Variants in FAM120C observed in about 807,000 individuals in gnomAD.
FAM120C encodes the protein family with sequence similarity 120 member C.
FAM120C carries 14 observed loss-of-function variants against 71.2 expected under a neutral mutation model. The observed-to-expected ratio is 0.20, with a 90% CI of 0.13 to 0.31. The LOEUF (loss-of-function observed/expected upper bound fraction) is 0.31. Among genes scored for constraint, FAM120C ranks in the 10% least tolerant of loss-of-function variants. FAM120C has a pLI of 1.00. For synonymous variants in FAM120C, 354 were observed against 353.2 expected, an observed-to-expected ratio of 1.00 and a Z score of -0.03; for missense variants, 500 against 879.0, an observed-to-expected ratio of 0.57 and a Z score of 5.45.
chrX:54,169,651 C>T lies in FAM120C; in HGVS notation c.700-10035G>A, dbSNP rs908168558. Among the ~76,000 whole-genome samples, 5 of 111,883 alleles carry T rather than the reference C, an allele frequency of 4.5e-5. No individual in the cohort carries two copies. The Admixed American group carries it at 4.8e-4, about 11-fold the overall frequency. On this transcript the variant is annotated intron_variant, in intron 1 of 15. Transcript: ENST00000375180. ...GGCTGAGTTCTGTGGTCTATCTTCA[C>T]TACCTGTTCTCACCAAGGCAAAAAG...
chrX:54,144,700 T>C (rs2067145460), intron 4 of FAM120C, among the ~76,000 whole-genome samples: 1 of 112,358 alleles, frequency 8.9e-6, no homozygotes, highest in Admixed American at 9.5e-5. Flanking sequence ...TCCATGCTCA[T>C]GGATAGGAAG....
chrX:54,107,231 G>A (rs2066911353), intron 10 of FAM120C, among the ~76,000 whole-genome samples: 1 of 109,152 alleles, frequency 9.2e-6, no homozygotes, highest in South Asian at 4.0e-4. Context: ...CAAATAGCTG[G>A]GACTAGAGGC....
intron 1 of FAM120C, among the ~76,000 whole-genome samples, chrX:54,179,230 G>A (rs1299841383): frequency 8.9e-6 from 1 of 112,200 alleles, no homozygotes; most frequent in African/African-American, 3.2e-5. Context: ...GAAGTCCGAA[G>A]TTGTCTAAAG....
chrX:54,160,564 T>C (rs1321138976), intron 1 of FAM120C, among the ~76,000 whole-genome samples: 2 of 111,549 alleles, frequency 1.8e-5, no homozygotes, highest in African/African-American at 6.5e-5. Flanking sequence ...TGTACATGCC[T>C]CTATTGCTGT....
At chrX:54,174,021 T>C in intron 1 of FAM120C, 2 of 490,256 alleles carry the variant, frequency 4.1e-6, no homozygotes, top group Non-Finnish European at 7.3e-6. Context: ...TTGGCAGCAA[T>C]TCAGTTCCTT....
In FAM120C at chrX:54,164,697, G is replaced by T. The variant is rs149079480; in HGVS notation, c.700-5081C>A. On this transcript the variant is annotated intron_variant, in intron 1 of 15. Coordinates refer to ENST00000375180, the MANE Select transcript of FAM120C (RefSeq NM_017848.6). ...GTTGCTTCCAACTCTTGGCTACTGT[G>T]AATAGTACTGCTATGAACATGGGTG... 5.5e-3 allele frequency among the ~76,000 whole-genome samples: 614 copies of T among 112,262 alleles called. 4 individuals are homozygous for T. The highest frequency in any genetic ancestry group is 0.019 in the African/African-American group (596 of 30,946).
chrX:54,140,035 C>T (rs2067116051), intron 4 of FAM120C, among the ~76,000 whole-genome samples: 1 of 110,710 alleles, frequency 9.0e-6, no homozygotes, highest in African/African-American at 3.3e-5. Context: ...GGCTCATACC[C>T]ATATTCCCAG....
At chrX:54,073,394 A>T (rs1192883744) in intron 15 of FAM120C, 107 bp from the exon 16 acceptor site, 2 of 781,094 alleles carry the variant, frequency 2.6e-6, no homozygotes. Flanking sequence ...TTCTTCAAAA[A>T]CACCAGAAGA....
chrX:54,133,210 G>A (rs2067077148), intron 8 of FAM120C, among the ~76,000 whole-genome samples: 1 of 111,773 alleles, frequency 8.9e-6, no homozygotes, highest in South Asian at 3.7e-4. Flanking sequence ...GTGGTGGCAG[G>A]TGCCTGTAGT....
rs1167673216 is a variant in FAM120C, at chrX:54,070,807, T to C, written c.*2226A>G. The C allele has an allele frequency of 1.6e-4, 18 of 111,895 alleles. No homozygotes were observed. Among genetic ancestry groups the C allele is most frequent in the African/African-American group, 5.8e-4 (18 of 30,823 alleles). 9.2% of individuals were successfully genotyped at this position (111,895 alleles called of 1,213,427 possible). The stretch of plus-strand genomic sequence containing the variant: ...TAGATGTACACTCTTGTCATTTTTC[T>C]TTGGTTTATGTAAGAAGTATCTGGG... On this transcript the variant is annotated 3_prime_UTR_variant, in exon 16 of 16. Transcript: ENST00000375180.
At chrX:54,098,793 G>T (rs1208138985) in intron 10 of FAM120C, among the ~76,000 whole-genome samples, 8 of 109,613 alleles carry the variant, frequency 7.3e-5, no homozygotes, top group Admixed American at 6.0e-4. Flanking sequence ...GCTAATTTTT[G>T]TATTTTTAGT....
At chrX:54,161,992 C>A (rs1355269612) in intron 1 of FAM120C, among the ~76,000 whole-genome samples, 1 of 112,334 alleles carries the variant, frequency 8.9e-6, no homozygotes, top group African/African-American at 3.2e-5. Context: ...CCAGTAGGTT[C>A]TCATGCACAC....
At chrX:54,163,040 A>C (rs1175510979) in intron 1 of FAM120C, among the ~76,000 whole-genome samples, 1 of 112,264 alleles carries the variant, frequency 8.9e-6, no homozygotes, top group Non-Finnish European at 1.9e-5. Flanking sequence ...GCAAGGATGC[A>C]GAGAAACTGG....
chrX:54,109,734 T>C (rs1557125372), intron 10 of FAM120C, among the ~76,000 whole-genome samples: 1 of 107,790 alleles, frequency 9.3e-6, no homozygotes, highest in African/African-American at 3.4e-5. Flanking sequence ...GGAGAATCGC[T>C]TGAACCCAGG....
intron 4 of FAM120C, among the ~76,000 whole-genome samples, chrX:54,144,925 G>C (rs782652995): frequency 3.2e-4 from 36 of 111,635 alleles, no homozygotes; most frequent in Admixed American, 1.2e-3. Flanking sequence ...ATACTACAAG[G>C]CTACAGTAAC....
At chrX:54,167,803 T>TA (rs782012640) in intron 1 of FAM120C, among the ~76,000 whole-genome samples, 1,944 of 97,330 alleles carry the variant, frequency 0.02, 29 homozygotes, top group Non-Finnish European at 0.03. Context: ...CGTCTCTATT[T>TA]AAAAAAAAAA....
chrX:54,135,067 G>A lies in FAM120C; in HGVS notation c.1380C>T (p.Phe460=), dbSNP rs782628684. ...GAAGAGATGAGTTGGGTCCCACTGG[G>A]AATGGTGGTGGATATTTCACTTTCT... is the stretch of plus-strand genomic sequence containing the variant. ...VPQKVKYPPP[F]PVGPNSSLLF... is the part of the protein sequence containing the mutation. Residue 460 remains phenylalanine (F), a synonymous_variant, in exon 7 of 16, where the codon TTC becomes TTT. Coordinates refer to ENST00000375180, the MANE Select transcript of FAM120C (RefSeq NM_017848.6). 3 of 1,206,580 alleles carry A rather than the reference G, an allele frequency of 2.5e-6. No homozygotes were observed. Among genetic ancestry groups the A allele is most frequent in the Non-Finnish European group, 3.4e-6 (3 of 892,451 alleles).
intron 12 of FAM120C, among the ~76,000 whole-genome samples, chrX:54,087,187 C>T (rs183092751): frequency 6.4e-5 from 7 of 109,941 alleles, no homozygotes; most frequent in African/African-American, 2.3e-4. Flanking sequence ...GTGGTGCATG[C>T]CTGTAGTCCC....
intron 1 of FAM120C, among the ~76,000 whole-genome samples, chrX:54,170,319 TAG>T (rs1307262367): frequency 8.2e-5 from 9 of 110,269 alleles, no homozygotes; most frequent in South Asian, 3.9e-4. Flanking sequence ...GTATTTCTAG[TAG>T]AGAGTTTCAC....
Sources: gnomAD v4.1 joint callset for allele counts (sites outside exome capture counted in the v4.1 genomes callset) on GRCh38, gnomAD v4.1.1 for gene constraint, MANE v1.5 for transcripts, NCBI Gene and HGNC (gene_info 2026-07-23, HGNC 2026-07-21) for gene names.